The following CDH13 variants were observed in gnomAD, a reference collection of about 807,000 sequenced individuals.
CDH13 encodes the protein cadherin-13.
Under a neutral mutation model 63.8 loss-of-function variants are expected in CDH13, and 24 were observed. The observed-to-expected ratio is 0.38, with a 90% CI of 0.27 to 0.53. CDH13 has a LOEUF of 0.53. Ranked by LOEUF, CDH13 falls within the 20% of genes least tolerant of loss-of-function variation. The pLI, the probability that CDH13 is intolerant of heterozygous loss-of-function variation, is 0.85. For missense variants in CDH13, 1,049 were observed against 903.1 expected (o/e 1.16, Z -2.07); for synonymous variants, 503 against 355.3 (o/e 1.42, Z -4.67).
chr16:83,467,230 G>A (rs181857090), intron 6 of CDH13, among the ~76,000 whole-genome samples: 181 of 152,222 alleles, frequency 1.2e-3, no homozygotes, highest in African/African-American at 4.2e-3. Flanking sequence ...CAAATACACC[G>A]TGCACATTTT....
intron 2 of CDH13, among the ~76,000 whole-genome samples, chr16:82,975,391 C>T (rs1434714718): frequency 2.0e-5 from 3 of 152,190 alleles, no homozygotes; most frequent in Non-Finnish European, 2.9e-5. Flanking sequence ...CAGTCGTAGT[C>T]AGGCCTGGGT....
rs117566799 is a variant in CDH13, at chr16:83,525,692, G to T, written c.960+39037G>T. On this transcript the variant is annotated intron_variant, in intron 7 of 13. Transcript: ENST00000567109. ...CTATGTTGCCTACCTGAGGGACATTGCAGATGTGATTAAGGAGTCCTTGAG... is the reference window on the plus strand; with the variant it reads ...CTATGTTGCCTACCTGAGGGACATTTCAGATGTGATTAAGGAGTCCTTGAG... Among the ~76,000 whole-genome samples, 40 of 152,278 alleles carry T rather than the reference G, an allele frequency of 2.6e-4. 1 individual carries two copies. In the East Asian group the frequency reaches 7.7e-3, roughly 29 times the overall value.
At chr16:83,050,711 G>T (rs1051829968) in intron 3 of CDH13, among the ~76,000 whole-genome samples, 1 of 151,926 alleles carries the variant, frequency 6.6e-6, no homozygotes, top group African/African-American at 2.4e-5. Context: ...ATCTCCACCC[G>T]TACATTTCAC....
intron 7 of CDH13, among the ~76,000 whole-genome samples, chr16:83,576,042 C>G (rs2150713644): frequency 6.6e-6 from 1 of 152,290 alleles, no homozygotes; most frequent in Middle Eastern, 3.4e-3. Flanking sequence ...GTTAAAGTGA[C>G]AAGTTGAGTG....
At chr16:83,350,735 A>G (rs901321960) in intron 6 of CDH13, among the ~76,000 whole-genome samples, 1 of 152,146 alleles carries the variant, frequency 6.6e-6, no homozygotes, top group African/African-American at 2.4e-5. Flanking sequence ...GTGCTACAAC[A>G]TAGTTGTATG....
At chr16:83,685,491 T>C (rs1398803083) in intron 10 of CDH13, among the ~76,000 whole-genome samples, 1 of 152,130 alleles carries the variant, frequency 6.6e-6, no homozygotes, top group Non-Finnish European at 1.5e-5. Context: ...ATTCATGCCA[T>C]GGTATTTATG....
intron 6 of CDH13, among the ~76,000 whole-genome samples, chr16:83,346,943 C>G (rs1271609395): frequency 6.6e-6 from 1 of 152,148 alleles, no homozygotes; most frequent in East Asian, 1.9e-4. Context: ...TACATAAAGA[C>G]TCAGGTGTCT....
chr16:83,692,482 T>C (rs2052643284), intron 10 of CDH13, among the ~76,000 whole-genome samples: 1 of 152,194 alleles, frequency 6.6e-6, no homozygotes. Context: ...ATGCGAAATG[T>C]TTTTACAGAC....
intron 4 of CDH13, among the ~76,000 whole-genome samples, chr16:83,161,598 C>A (rs1467761303): frequency 6.6e-6 from 1 of 152,080 alleles, no homozygotes; most frequent in African/African-American, 2.4e-5. Flanking sequence ...TCATCCACAA[C>A]CACCAGCATT....
At chr16:83,410,356 T>C (rs1438544741) in intron 6 of CDH13, among the ~76,000 whole-genome samples, 1 of 152,220 alleles carries the variant, frequency 6.6e-6, no homozygotes, top group East Asian at 1.9e-4. Flanking sequence ...TTTTATCTCT[T>C]ATACAGCAAT....
At chr16:83,021,732 G>C (rs557196067) in intron 2 of CDH13, among the ~76,000 whole-genome samples, 1 of 152,188 alleles carries the variant, frequency 6.6e-6, no homozygotes, top group Non-Finnish European at 1.5e-5. Flanking sequence ...ATTCTATAAA[G>C]CCTTTGGAAG....
At chr16:82,676,858 T>C (rs1339556857) in intron 1 of CDH13, among the ~76,000 whole-genome samples, 1 of 143,148 alleles carries the variant, frequency 7.0e-6, no homozygotes, top group Non-Finnish European at 1.5e-5. Flanking sequence ...AGTTTTGTTT[T>C]GGGTTTCTTT....
chr16:82,993,090 A>G (rs1911834408), intron 2 of CDH13, among the ~76,000 whole-genome samples: 1 of 152,190 alleles, frequency 6.6e-6, no homozygotes, highest in Middle Eastern at 3.4e-3. Flanking sequence ...TTCTGATTCC[A>G]CCTTTGATCT....
At chr16:83,584,924 T>G (rs1032602874) in intron 7 of CDH13, among the ~76,000 whole-genome samples, 8 of 151,982 alleles carry the variant, frequency 5.3e-5, no homozygotes, top group Non-Finnish European at 7.4e-5. Flanking sequence ...GTGCCAAATT[T>G]AAACAACCAG....
At chr16:82,801,673 A>G (rs375607096) in intron 1 of CDH13, among the ~76,000 whole-genome samples, 2 of 152,256 alleles carry the variant, frequency 1.3e-5, no homozygotes, top group Non-Finnish European at 2.9e-5. Flanking sequence ...GAACCTGGAA[A>G]TGCTGGGTCA....
intron 2 of CDH13, among the ~76,000 whole-genome samples, chr16:83,015,064 C>G (rs892213655): frequency 6.6e-6 from 1 of 150,968 alleles, no homozygotes; most frequent in Admixed American, 6.6e-5. Context: ...TATTTAATAG[C>G]TATTAAGAGA....
At chr16:83,315,419 C>T (rs753732037) in intron 5 of CDH13, among the ~76,000 whole-genome samples, 1 of 152,198 alleles carries the variant, frequency 6.6e-6, no homozygotes, top group Non-Finnish European at 1.5e-5. Flanking sequence ...ACTGTGTGCA[C>T]ATTTAAACCT....
intron 2 of CDH13, among the ~76,000 whole-genome samples, chr16:82,939,500 A>C (rs1300913576): frequency 6.6e-6 from 1 of 151,904 alleles, no homozygotes; most frequent in African/African-American, 2.4e-5. Context: ...GGAAGGAGGG[A>C]GGCCTGTTGA....
intron 6 of CDH13, among the ~76,000 whole-genome samples, chr16:83,431,152 AT>A (rs913617970): frequency 6.6e-6 from 1 of 151,826 alleles, no homozygotes; most frequent in African/African-American, 2.4e-5. Flanking sequence ...TGAACTCATC[AT>A]TTTTTATGGC....
Sources: gnomAD v4.1 joint callset for allele counts (sites outside exome capture counted in the v4.1 genomes callset) on GRCh38, gnomAD v4.1.1 for gene constraint, MANE v1.5 for transcripts, NCBI Gene and HGNC (gene_info 2026-07-23, HGNC 2026-07-21) for gene names.